GPR137: variants seen among roughly 807,000 people sequenced by gnomAD.
GPR137 encodes integral membrane protein GPR137.
A neutral mutation model predicts 38.9 loss-of-function variants in GPR137; 20 were observed. That is an observed-to-expected ratio of 0.51 (90% CI 0.36 to 0.75). The LOEUF (loss-of-function observed/expected upper bound fraction) is 0.75, where lower values mean the gene tolerates loss of function less well. Among genes scored for constraint, GPR137 ranks in the 30% least tolerant of loss-of-function variants. The pLI is 0.00. For missense variants in GPR137, 456 were observed against 526.4 expected (o/e 0.87, Z 1.31); for synonymous variants, 226 against 235.8 (o/e 0.96, Z 0.38).
upstream of GPR137, among the ~76,000 whole-genome samples, chr11:64,273,912 T>C (rs542801549): frequency 1.3e-5 from 2 of 149,180 alleles, no homozygotes; most frequent in Admixed American, 6.7e-5. Flanking sequence ...GCTGGGTGTT[T>C]ATGGCAAGAT....
chr11:64,286,444 C>T lies in GPR137; in HGVS notation c.-81C>T, dbSNP rs2034067404. The T allele has an allele frequency of 6.5e-7, 1 of 1,536,606 alleles. No individual in the cohort carries two copies. Among genetic ancestry groups the T allele is most frequent in the African/African-American group, 1.4e-5 (1 of 72,978 alleles). ...TCTCCCTCTCTGCACCCTGCAATTCCCACCCCTCCGTATTTATTTCCCTGG... is the reference window on the plus strand; with the variant it reads ...TCTCCCTCTCTGCACCCTGCAATTCTCACCCCTCCGTATTTATTTCCCTGG... On this transcript the variant is annotated 5_prime_UTR_variant, in exon 1 of 7. Coordinates refer to ENST00000438980, the MANE Select transcript of GPR137 (RefSeq NM_001170880.2).
Position 64,288,062 on chromosome 11 carries a change from C to T in GPR137, c.634-3C>T. Reference sequence around the variant, plus strand: ...GAGGGTCCTCTGTTGTTACCTGTGCCAGGGGACCAGTGTGTGCCAGGCGGC... The same window carrying T: ...GAGGGTCCTCTGTTGTTACCTGTGCTAGGGGACCAGTGTGTGCCAGGCGGC... On this transcript the variant is annotated splice_region_variant and splice_polypyrimidine_tract_variant and intron_variant, in intron 3 of 6. Coordinates refer to ENST00000438980, the MANE Select transcript of GPR137 (RefSeq NM_001170880.2). The surrounding 1 kb of genome is among the most constrained non-coding windows in gnomAD (Gnocchi z 5.5). 1 of 1,609,896 alleles carries T rather than the reference C, an allele frequency of 6.2e-7. No homozygotes were observed. Among genetic ancestry groups the T allele is most frequent in the Non-Finnish European group, 8.5e-7 (1 of 1,179,960 alleles).
chr11:64,286,060 G>A lies in GPR137; in HGVS notation c.-465G>A. The A allele has an allele frequency of 6.1e-6, 6 of 988,404 alleles. No individual in the cohort carries two copies. The highest frequency in any genetic ancestry group is 7.2e-6 in the Non-Finnish European group (6 of 831,628). 61.2% of individuals were successfully genotyped at this position (988,404 alleles called of 1,614,324 possible). On this transcript the variant is annotated 5_prime_UTR_variant, in exon 1 of 7. Coordinates refer to ENST00000438980, the MANE Select transcript of GPR137 (RefSeq NM_001170880.2). ...CATCCGCATTATTGGAGGAGAGAGA[G>A]CCTCCCCCAGCTTGGGGAGGGGGAG...
chr11:64,276,827 G>C (rs1414076972), intron 2 of GPR137: 2 of 700,234 alleles, frequency 2.9e-6, no homozygotes, highest in Non-Finnish European at 5.3e-6. Context: ...CATCCGCCTA[G>C]AGCCTGGCCC....
intron 2 of GPR137, among the ~76,000 whole-genome samples, chr11:64,277,229 A>G (rs915699077): frequency 7.9e-5 from 12 of 151,956 alleles, no homozygotes; most frequent in Admixed American, 2.0e-4. Context: ...CTGCCGGGGG[A>G]GGCTGACGTC....
At chr11:64,274,261 G>A (rs186403105), upstream of GPR137, among the ~76,000 whole-genome samples, 11 of 151,996 alleles carry the variant, frequency 7.2e-5, no homozygotes, top group East Asian at 1.2e-3. Context: ...GGTGGCTGGC[G>A]CCTTAGTTCC....
At chr11:64,283,927 G>A (rs1180665829), upstream of GPR137, among the ~76,000 whole-genome samples, 1 of 152,184 alleles carries the variant, frequency 6.6e-6, no homozygotes, top group African/African-American at 2.4e-5. Flanking sequence ...GAGCCACCAC[G>A]CCCGGCAGCA....
intron 2 of GPR137, chr11:64,276,852 A>G: frequency 1.4e-6 from 1 of 735,398 alleles, no homozygotes; most frequent in Middle Eastern, 2.4e-4. Context: ...CTGGGTGTGG[A>G]AGTGGAGGGT....
At position 64,286,542 on chromosome 11, in the gene GPR137, TGGCCTGGTGCCTGCTGCC is replaced by T. The variant is rs764124916; in HGVS notation, c.21_38del (p.Ala12_Ala17del). 1.2e-4 allele frequency: 195 copies of T among 1,612,480 alleles called. No homozygotes were observed. The highest frequency in any genetic ancestry group is 1.6e-4 in the Non-Finnish European group (185 of 1,179,244). ...TCCCTGACATGGAGAGTAACCTGTC[TGGCCTGGTGCCTGCTGCC>T]GGGCTGGTGCCTGCGCTGCCACCTG... On this transcript the variant is annotated inframe_deletion, in exon 1 of 7. Coordinates refer to ENST00000438980, the MANE Select transcript of GPR137 (RefSeq NM_001170880.2).
Position 64,286,890 on chromosome 11 carries a change from C to G in GPR137, c.357+9C>G, listed in dbSNP as rs2034139039. On this transcript the variant is annotated intron_variant, in intron 1 of 6. Transcript: ENST00000438980. ...ACCTCTACTTTGCCCAGGTAACCAACTGTGGTCCCGGGTGGGGGGCGGGAG... is the reference window on the plus strand; with the variant it reads ...ACCTCTACTTTGCCCAGGTAACCAAGTGTGGTCCCGGGTGGGGGGCGGGAG... The G allele has an allele frequency of 6.2e-7, 1 of 1,608,312 alleles. No homozygotes were observed. Among genetic ancestry groups the G allele is most frequent in the East Asian group, 2.2e-5 (1 of 44,752 alleles).
At chr11:64,277,102 T>C (rs577965787) in intron 2 of GPR137, 533 of 667,018 alleles carry the variant, frequency 8.0e-4, no homozygotes, top group Non-Finnish European at 1.3e-3. Context: ...GCACACTGAA[T>C]TGCACACTTA....
At chr11:64,287,590 A>T in intron 2 of GPR137, 131 bp from the exon 3 acceptor site, 1 of 1,496,610 alleles carries the variant, frequency 6.7e-7, no homozygotes, top group Non-Finnish European at 8.9e-7. Context: ...CTCCATCTGT[A>T]AGAGTGGAGG....
At chr11:64,285,560 T>C (rs928850380), upstream of GPR137, 87 of 982,934 alleles carry the variant, frequency 8.9e-5, no homozygotes, top group Admixed American at 1.8e-4. Context: ...ACGACCCCGA[T>C]TTGGGTATAG....
At chr11:64,282,220 C>T (rs918548973), upstream of GPR137, among the ~76,000 whole-genome samples, 5 of 152,044 alleles carry the variant, frequency 3.3e-5, no homozygotes, top group Admixed American at 6.6e-5. Context: ...CTGTGTGGCG[C>T]GAGTGAATGC....
At chr11:64,283,648 T>TG (rs1335690540), upstream of GPR137, among the ~76,000 whole-genome samples, 1 of 152,222 alleles carries the variant, frequency 6.6e-6, no homozygotes, top group Non-Finnish European at 1.5e-5. Flanking sequence ...GCATGTAGCC[T>TG]GGGGCAGGGC....
intron 2 of GPR137, 145 bp from the exon 3 acceptor site, chr11:64,287,576 G>A: frequency 1.4e-6 from 2 of 1,454,660 alleles, no homozygotes; most frequent in East Asian, 2.4e-5. Context: ...TTGGGCCTCA[G>A]TTTCTCCATC....
In GPR137 at chr11:64,289,395, G is replaced by C. The variant is rs755100658; in HGVS notation, c.*199G>C. ...GGGGGCATGGCCCTGGCTGCCAGAT[G>C]CCCACAGCACCCTGGCATGACCTGC... On this transcript the variant is annotated 3_prime_UTR_variant, in exon 7 of 7. Coordinates refer to ENST00000438980, the MANE Select transcript of GPR137 (RefSeq NM_001170880.2). 3.9e-6 allele frequency: 6 copies of C among 1,553,192 alleles called. No homozygotes were observed. The South Asian group carries it at 7.5e-5, about 19-fold the overall frequency.
chr11:64,271,901 C>T, upstream of GPR137: 1 of 1,041,012 alleles, frequency 9.6e-7, no homozygotes, highest in Non-Finnish European at 1.2e-6. Context: ...CAGGCCCACT[C>T]GTGGGTCTTC....
At chr11:64,272,371 C>T (rs2032700854), upstream of GPR137, among the ~76,000 whole-genome samples, 1 of 151,948 alleles carries the variant, frequency 6.6e-6, no homozygotes, top group Non-Finnish European at 1.5e-5. Flanking sequence ...CATGGGGCCT[C>T]CTGGCAACCC....
Sources: gnomAD v4.1 joint callset for allele counts (sites outside exome capture counted in the v4.1 genomes callset) on GRCh38, gnomAD v4.1.1 for gene constraint, Gnocchi (gnomAD v3.1) non-coding constraint, MANE v1.5 for transcripts, NCBI Gene and HGNC (gene_info 2026-07-23, HGNC 2026-07-21) for gene names.